ADTRP: variants seen among roughly 807,000 people sequenced by gnomAD.
ADTRP encodes androgen-dependent TFPI-regulating protein.
A neutral mutation model predicts 27.0 loss-of-function variants in ADTRP; 20 were observed. The observed-to-expected ratio is 0.74, with a 90% confidence interval of 0.52 to 1.08. The LOEUF (loss-of-function observed/expected upper bound fraction) is 1.08. ADTRP is among the 50% of genes least tolerant of loss of function. The pLI, the probability that ADTRP is intolerant of heterozygous loss-of-function variation, is 0.00. For synonymous variants in ADTRP, 101 were observed against 105.2 expected, an observed-to-expected ratio of 0.96 and a Z score of 0.25; for missense variants, 251 against 275.0, an observed-to-expected ratio of 0.91 and a Z score of 0.62.
In ADTRP at chr6:11,778,487, G is replaced by A. The variant is rs947717737; in HGVS notation, c.153+120C>T. 13 of 1,337,842 alleles carry A rather than the reference G, an allele frequency of 9.7e-6. 1 individual carries two copies. Among genetic ancestry groups the A allele is most frequent in the Middle Eastern group, 3.8e-4 (2 of 5,206 alleles). 82.9% of individuals were successfully genotyped at this position (1,337,842 alleles called of 1,614,324 possible). ...ACAAAAAACCCAAAACTCACAAAAC[G>A]GTGAAGAAGGAAGACAAATAACAAA... On this transcript the variant is annotated intron_variant, in intron 1 of 5. Transcript: ENST00000414691.
intron 5 of ADTRP, among the ~76,000 whole-genome samples, chr6:11,721,221 A>C (rs547887059): frequency 1.2e-4 from 19 of 152,196 alleles, no homozygotes; most frequent in Non-Finnish European, 2.6e-4. Flanking sequence ...AGACTGGAGG[A>C]GACACAGAAT....
intron 1 of ADTRP, chr6:11,770,152 G>A: frequency 7.0e-7 from 1 of 1,429,708 alleles, no homozygotes; most frequent in East Asian, 2.5e-5. Context: ...CATTGTGGGA[G>A]GTCAGAAGAG....
At chr6:11,756,571 C>CA (rs1241029259) in intron 3 of ADTRP, among the ~76,000 whole-genome samples, 2 of 151,354 alleles carry the variant, frequency 1.3e-5, no homozygotes, top group Non-Finnish European at 2.9e-5. Flanking sequence ...ACAATTATCT[C>CA]AAAAAAAAGT....
chr6:11,749,003 C>T (rs767588577), intron 3 of ADTRP, among the ~76,000 whole-genome samples: 4 of 152,308 alleles, frequency 2.6e-5, no homozygotes, highest in South Asian at 2.1e-4. Flanking sequence ...ATTTTGCAAT[C>T]GATTTTGCCA....
At chr6:11,744,924 T>A (rs1462995288) in intron 3 of ADTRP, among the ~76,000 whole-genome samples, 1 of 152,184 alleles carries the variant, frequency 6.6e-6, no homozygotes, top group Non-Finnish European at 1.5e-5. Context: ...CTGGTTTCCC[T>A]GGGAGATAAT....
At chr6:11,766,404 C>A in intron 2 of ADTRP, 29 bp from the exon 3 acceptor site, 1 of 1,528,216 alleles carries the variant, frequency 6.5e-7, no homozygotes, top group Non-Finnish European at 9.0e-7. Flanking sequence ...AAAATAGCAT[C>A]ATTAGGCTTG....
intron 3 of ADTRP, among the ~76,000 whole-genome samples, chr6:11,765,231 A>G (rs1365457096): frequency 6.6e-6 from 1 of 151,798 alleles, no homozygotes; most frequent in African/African-American, 2.4e-5. Flanking sequence ...AAGACCATGG[A>G]AAGATGGGCA....
intron 3 of ADTRP, 37 bp from the exon 4 acceptor site, chr6:11,735,720 T>C: frequency 7.0e-7 from 1 of 1,436,624 alleles, no homozygotes; most frequent in South Asian, 1.2e-5. Context: ...AATGGCAGGG[T>C]GTCCAGGGTG....
chr6:11,757,102 C>T (rs1763235416), intron 3 of ADTRP, among the ~76,000 whole-genome samples: 1 of 152,212 alleles, frequency 6.6e-6, no homozygotes, highest in Admixed American at 6.5e-5. Context: ...TTACTCTCTT[C>T]TTCTTTTGCC....
At chr6:11,751,615 A>AT (rs1232310021) in intron 3 of ADTRP, among the ~76,000 whole-genome samples, 1 of 151,028 alleles carries the variant, frequency 6.6e-6, no homozygotes, top group African/African-American at 2.4e-5. Flanking sequence ...ATTTTGGGGG[A>AT]TTTTTTGTAT....
At chr6:11,745,301 T>C (rs976390293) in intron 3 of ADTRP, among the ~76,000 whole-genome samples, 3 of 152,158 alleles carry the variant, frequency 2.0e-5, no homozygotes, top group African/African-American at 7.2e-5. Context: ...TCCTAGGAAA[T>C]GCCTTCATTC....
intron 1 of ADTRP, among the ~76,000 whole-genome samples, chr6:11,774,558 A>G (rs1763890638): frequency 6.7e-6 from 1 of 150,076 alleles, no homozygotes; most frequent in South Asian, 2.2e-4. Context: ...GGTGATGACG[A>G]CGGAGCTGCC....
intron 4 of ADTRP, among the ~76,000 whole-genome samples, chr6:11,732,488 T>G (rs1225241514): frequency 6.6e-6 from 1 of 152,190 alleles, no homozygotes; most frequent in Non-Finnish European, 1.5e-5. Flanking sequence ...CCAGGGGCCC[T>G]GGAAACTGCG....
intron 1 of ADTRP, 38 bp downstream of exon 1, chr6:11,778,569 G>A: frequency 6.3e-7 from 1 of 1,594,160 alleles, no homozygotes; most frequent in Non-Finnish European, 8.6e-7. Context: ...ATATTCTAGA[G>A]AAATGGATCG....
At chr6:11,716,300 C>T (rs1761821919) in intron 5 of ADTRP, among the ~76,000 whole-genome samples, 2 of 152,288 alleles carry the variant, frequency 1.3e-5, no homozygotes, top group Non-Finnish European at 2.9e-5. Flanking sequence ...ACTGAAGACT[C>T]CCTTCTCCAT....
chr6:11,719,697 G>A (rs1761949269), intron 5 of ADTRP, among the ~76,000 whole-genome samples: 1 of 152,210 alleles, frequency 6.6e-6, no homozygotes, highest in Non-Finnish European at 1.5e-5. Context: ...GATTTCAGAA[G>A]CAGAGATTCC....
In ADTRP at chr6:11,714,243, A is replaced by G; in HGVS notation, c.*235T>C. On this transcript the variant is annotated 3_prime_UTR_variant, in exon 6 of 6. Coordinates refer to ENST00000414691, the MANE Select transcript of ADTRP (RefSeq NM_032744.4). ...CCATCCTCCACGAAGGTCAAAGATAATTAATTCTGAGATAGCAGGAGTTGT... is the reference window on the plus strand; with the variant it reads ...CCATCCTCCACGAAGGTCAAAGATAGTTAATTCTGAGATAGCAGGAGTTGT... 1 of 521,050 alleles carries G rather than the reference A, an allele frequency of 1.9e-6. No individual in the cohort carries two copies. Among genetic ancestry groups the G allele is most frequent in the South Asian group, 2.3e-5 (1 of 43,542 alleles). The allele number at this position is 521,050 out of a possible 1,614,324, so 32.3% of individuals were successfully genotyped here. A position where few individuals can be genotyped will look rare whatever the true frequency, so the allele number is the denominator to read the frequency against.
intron 4 of ADTRP, among the ~76,000 whole-genome samples, chr6:11,723,982 C>G (rs916284003): frequency 1.3e-5 from 2 of 152,136 alleles, no homozygotes; most frequent in Admixed American, 1.3e-4. Context: ...ATCGCTTGAA[C>G]CTGGGAGGCA....
chr6:11,726,349 G>C (rs1305595175), intron 4 of ADTRP, among the ~76,000 whole-genome samples: 1 of 152,172 alleles, frequency 6.6e-6, no homozygotes, highest in African/African-American at 2.4e-5. Flanking sequence ...AGCCTAGTGG[G>C]AGGTGTTCGG....
Sources: gnomAD v4.1 joint callset for allele counts (sites outside exome capture counted in the v4.1 genomes callset) on GRCh38, gnomAD v4.1.1 for gene constraint, MANE v1.5 for transcripts, NCBI Gene and HGNC (gene_info 2026-07-23, HGNC 2026-07-21) for gene names.